Variants in SORCS1 observed in about 807,000 individuals in gnomAD.
SORCS1 encodes the protein VPS10 domain-containing receptor SorCS1.
SORCS1 carries 60 observed loss-of-function variants against 146.1 expected under a neutral mutation model. The observed-to-expected ratio is 0.41, with a 90% CI of 0.33 to 0.51. SORCS1 has a LOEUF of 0.51. SORCS1 is among the 20% of genes least tolerant of loss of function. The pLI, the probability that SORCS1 is intolerant of heterozygous loss-of-function variation, is 0.21. For synonymous variants in SORCS1, 637 were observed against 584.0 expected (o/e 1.09, Z -1.31); for missense variants, 1,352 against 1,487.6 (o/e 0.91, Z 1.50).
intron 17 of SORCS1, among the ~76,000 whole-genome samples, chr10:106,657,088 G>A (rs757399036): frequency 2.0e-5 from 3 of 152,098 alleles, no homozygotes; most frequent in Non-Finnish European, 4.4e-5. Context: ...ATTCAATCCC[G>A]CAATCCCACT....
intron 3 of SORCS1, among the ~76,000 whole-genome samples, chr10:106,801,560 G>A (rs924870149): frequency 8.5e-5 from 11 of 129,266 alleles, no homozygotes; most frequent in African/African-American, 2.7e-4. Flanking sequence ...ACGGAGTCTC[G>A]CTCTGTCTCC....
chr10:106,662,870 C>T (rs563447143), intron 17 of SORCS1, among the ~76,000 whole-genome samples: 2 of 152,278 alleles, frequency 1.3e-5, no homozygotes, highest in African/African-American at 4.8e-5. Flanking sequence ...ACAAATGAAT[C>T]TCTAATTTTT....
chr10:106,972,380 CAAAA>C (rs35202189), intron 1 of SORCS1, among the ~76,000 whole-genome samples: 30 of 94,130 alleles, frequency 3.2e-4, no homozygotes, highest in African/African-American at 9.2e-4. Flanking sequence ...GACTCTGTCT[CAAAA>C]AAAAAAAAAA....
intron 18 of SORCS1, among the ~76,000 whole-genome samples, chr10:106,633,684 A>C (rs2133608392): frequency 6.6e-6 from 1 of 152,184 alleles, no homozygotes; most frequent in African/African-American, 2.4e-5. Flanking sequence ...CAAACAAACA[A>C]ACAAAAAATC....
chr10:107,138,048 CCATT>C (rs1467814083), intron 1 of SORCS1, among the ~76,000 whole-genome samples: 2 of 152,050 alleles, frequency 1.3e-5, no homozygotes, highest in Non-Finnish European at 2.9e-5. Flanking sequence ...GGAAAAATTT[CCATT>C]ATTATCACAA....
intron 2 of SORCS1, among the ~76,000 whole-genome samples, chr10:106,918,844 T>TA (rs142748849): frequency 0.046 from 6,981 of 151,508 alleles, 492 homozygotes; most frequent in African/African-American, 0.15. Context: ...GTGTATTATA[T>TA]TTTTTTTTCC....
At chr10:106,613,397 G>T (rs575531345) in intron 21 of SORCS1, among the ~76,000 whole-genome samples, 2 of 152,294 alleles carry the variant, frequency 1.3e-5, no homozygotes, top group African/African-American at 4.8e-5. Flanking sequence ...GCAGTCTGAG[G>T]AAGGTTCAGT....
intron 1 of SORCS1, among the ~76,000 whole-genome samples, chr10:107,073,394 G>A (rs1962604079): frequency 6.6e-6 from 1 of 152,100 alleles, no homozygotes; most frequent in African/African-American, 2.4e-5. Flanking sequence ...AAATAGAGGT[G>A]ACTCAGATAT....
chr10:106,709,449 T>A lies in SORCS1; in HGVS notation c.1025-108A>T, dbSNP rs1854799587. The A allele has an allele frequency of 2.4e-4, 124 of 525,506 alleles. 1 individual carries two copies. In the South Asian group the frequency reaches 2.8e-3, roughly 12 times the overall value. 32.6% of individuals were successfully genotyped at this position (525,506 alleles called of 1,614,324 possible). On this transcript the variant is annotated intron_variant, in intron 6 of 25. Transcript: ENST00000263054. ...ATTTCCCTTACCATTTCCAATTTTT[T>A]TTTTTTTTTTTTTTTTTGAGATGGA...
chr10:106,729,440 TCTC>T (rs1856438839), intron 6 of SORCS1, among the ~76,000 whole-genome samples: 1 of 115,970 alleles, frequency 8.6e-6, no homozygotes, highest in Admixed American at 7.9e-5. Context: ...ATTCTCTCTC[TCTC>T]TTTTTTTTTT....
chr10:106,989,465 C>T (rs1956653484), intron 1 of SORCS1, among the ~76,000 whole-genome samples: 1 of 151,778 alleles, frequency 6.6e-6, no homozygotes, highest in Non-Finnish European at 1.5e-5. Flanking sequence ...TCCTTGTTTC[C>T]ATTCAGCAGG....
chr10:106,593,610 G>C (rs1845742033), intron 24 of SORCS1, among the ~76,000 whole-genome samples: 1 of 152,152 alleles, frequency 6.6e-6, no homozygotes, highest in Non-Finnish European at 1.5e-5. Context: ...TGCTGAACTA[G>C]CCATGACAGA....
At chr10:106,709,433 AC>A in intron 6 of SORCS1, 92 bp from the exon 7 acceptor site, 1 of 556,324 alleles carries the variant, frequency 1.8e-6, no homozygotes, top group East Asian at 3.9e-5. Context: ...TATTTCCCTT[AC>A]CATTTCCAAT....
rs182856462 is a variant in SORCS1 at position 106,764,650 on chromosome 10, T to C, written c.886-2989A>G. The stretch of plus-strand genomic sequence containing the variant: ...CCAAGCTTAGAGAAAGATAGAAAGA[T>C]TAGGAAGAGAATGAAAGAGTACTTA... On this transcript the variant is annotated intron_variant, in intron 4 of 25. Coordinates refer to ENST00000263054, the MANE Select transcript of SORCS1 (RefSeq NM_052918.5). Among the ~76,000 whole-genome samples, 547 of 152,128 alleles carry C rather than the reference T, an allele frequency of 3.6e-3. 10 individuals carry two copies. The highest frequency in any genetic ancestry group is 0.013 in the African/African-American group (529 of 41,516).
At chr10:106,824,567 C>G (rs1447257783) in intron 3 of SORCS1, among the ~76,000 whole-genome samples, 1 of 134,976 alleles carries the variant, frequency 7.4e-6, no homozygotes. Context: ...CCAGCCTGGG[C>G]AATAGAGTGA....
rs187854057 is a variant in SORCS1 at position 106,812,246 on chromosome 10, C to T, written c.726+17328G>A. On this transcript the variant is annotated intron_variant, in intron 3 of 25. Coordinates refer to ENST00000263054, the MANE Select transcript of SORCS1 (RefSeq NM_052918.5). Reference sequence around the variant, plus strand: ...CGATCTCCTGACCTCATGATCCGCCCGCCTCGGCCTCCCAAAGTGCTGGGA... The same window carrying T: ...CGATCTCCTGACCTCATGATCCGCCTGCCTCGGCCTCCCAAAGTGCTGGGA... Among the ~76,000 whole-genome samples, 242 of 152,182 alleles carry T rather than the reference C, an allele frequency of 1.6e-3. 2 individuals carry two copies. Among genetic ancestry groups the T allele is most frequent in the African/African-American group, 5.0e-3 (208 of 41,530 alleles).
At chr10:106,769,269 A>C (rs1859808881) in intron 4 of SORCS1, among the ~76,000 whole-genome samples, 1 of 151,942 alleles carries the variant, frequency 6.6e-6, no homozygotes, top group Admixed American at 6.6e-5. Flanking sequence ...GCAGATCACA[A>C]GGTCAGGAGT....
intron 2 of SORCS1, among the ~76,000 whole-genome samples, chr10:106,864,669 C>T (rs11594752): frequency 0.44 from 66,156 of 151,728 alleles, 14,476 homozygotes; most frequent in East Asian, 0.49. Context: ...CCTGCTGATG[C>T]GGAACTCCAG....
At chr10:106,603,927 C>T (rs1846403617) in intron 23 of SORCS1, among the ~76,000 whole-genome samples, 2 of 152,168 alleles carry the variant, frequency 1.3e-5, no homozygotes, top group Non-Finnish European at 2.9e-5. Context: ...ACTGACAGCA[C>T]ATTATCCCCA....
Sources: allele counts gnomAD v4.1 joint callset (sites outside exome capture counted in the v4.1 genomes callset), GRCh38; gene constraint gnomAD v4.1.1; transcripts MANE v1.5; gene names NCBI Gene and HGNC (gene_info 2026-07-23, HGNC 2026-07-21).